FRYL: variants seen among roughly 807,000 people sequenced by gnomAD.
FRYL encodes the protein protein furry homolog-like.
Under a neutral mutation model 351.2 loss-of-function variants are expected in FRYL, and 150 were observed. The ratio of observed to expected loss-of-function variants is 0.43; its 90% CI spans 0.37 to 0.49. The LOEUF is 0.49. FRYL is among the 20% of genes least tolerant of loss of function. FRYL has a pLI of 0.00. For synonymous variants in FRYL, 1,153 were observed against 1,257.1 expected, an observed-to-expected ratio of 0.92 and a Z score of 1.75; for missense variants, 3,036 against 3,619.3, an observed-to-expected ratio of 0.84 and a Z score of 4.13.
At position 48,547,704 on chromosome 4, in the gene FRYL, CTAT is replaced by C. The variant is rs1731658268; in HGVS notation, c.4951_4953del (p.Ile1651del). 2 of 1,602,148 alleles carry C rather than the reference CTAT, an allele frequency of 1.2e-6. No homozygotes were observed. Among genetic ancestry groups the C allele is most frequent in the African/African-American group, 2.7e-5 (2 of 74,770 alleles). On this transcript the variant is annotated inframe_deletion, in exon 41 of 64. Coordinates refer to ENST00000358350, the MANE Select transcript of FRYL (RefSeq NM_015030.2). ...CGGATGTTACTATTGGGTCCCATTA[CTAT>C]TAATAAGTGCAGAAGCAGGCGTTTA...
intron 4 of FRYL, among the ~76,000 whole-genome samples, chr4:48,626,912 T>G (rs760331620): frequency 4.1e-4 from 63 of 152,130 alleles, no homozygotes; most frequent in Non-Finnish European, 6.9e-4. Context: ...GAAGCCACAT[T>G]ACCTTTACTT....
chr4:48,597,240 G>T (rs1175337140), intron 13 of FRYL, among the ~76,000 whole-genome samples: 1 of 152,244 alleles, frequency 6.6e-6, no homozygotes, highest in East Asian at 1.9e-4. Flanking sequence ...AGTTCAGCCA[G>T]GAGTTAGGGA....
At chr4:48,694,051 T>C (rs1359560966) in intron 2 of FRYL, among the ~76,000 whole-genome samples, 1 of 152,158 alleles carries the variant, frequency 6.6e-6, no homozygotes, top group Non-Finnish European at 1.5e-5. Flanking sequence ...TCACTGCATA[T>C]TTTTTACTAT....
At chr4:48,749,152 G>C (rs1489150794) in intron 1 of FRYL, among the ~76,000 whole-genome samples, 2 of 152,194 alleles carry the variant, frequency 1.3e-5, no homozygotes, top group Non-Finnish European at 2.9e-5. Flanking sequence ...GGTAAGGAGG[G>C]AACCCACTGC....
intron 23 of FRYL, among the ~76,000 whole-genome samples, chr4:48,577,370 A>C (rs1373401504): frequency 2.6e-5 from 4 of 152,240 alleles, no homozygotes; most frequent in African/African-American, 9.6e-5. Flanking sequence ...CTAGTTTTGT[A>C]ATATGTTAAG....
rs1364508844 is a variant in FRYL at position 48,757,290 on chromosome 4, A to G, written c.-384+22788T>C. ...AAGGGTATTCAATTAGGAAAAGAGGAAGTCAAATTGTCCCTGTTTGCAGAT... is the reference window on the plus strand; with the variant it reads ...AAGGGTATTCAATTAGGAAAAGAGGGAGTCAAATTGTCCCTGTTTGCAGAT... On this transcript the variant is annotated intron_variant, in intron 1 of 63. Transcript: ENST00000358350. 3.3e-5 allele frequency among the ~76,000 whole-genome samples: 5 copies of G among 152,266 alleles called. No individual in the cohort carries two copies. The South Asian group carries it at 8.3e-4, about 25-fold the overall frequency.
chr4:48,667,482 T>C (rs1326687243), intron 3 of FRYL, among the ~76,000 whole-genome samples: 3 of 148,620 alleles, frequency 2.0e-5, no homozygotes, highest in Non-Finnish European at 4.5e-5. Flanking sequence ...TTTATCATAA[T>C]CTCTTAAATT....
At chr4:48,596,487 T>A (rs557040742) in intron 13 of FRYL, among the ~76,000 whole-genome samples, 2 of 152,192 alleles carry the variant, frequency 1.3e-5, no homozygotes, top group African/African-American at 4.8e-5. Flanking sequence ...AATAGGGAGT[T>A]AAGAGCGTGG....
chr4:48,644,422 T>G (rs1320681493), intron 3 of FRYL, among the ~76,000 whole-genome samples: 1 of 147,712 alleles, frequency 6.8e-6, no homozygotes, highest in Non-Finnish European at 1.5e-5. Flanking sequence ...TATCAGAACA[T>G]AATATGATTA....
intron 48 of FRYL, 145 bp downstream of exon 48, chr4:48,535,512 G>A (rs1399744259): frequency 4.9e-6 from 2 of 409,770 alleles, no homozygotes; most frequent in Non-Finnish European, 8.5e-6. Flanking sequence ...TACCAGTGCT[G>A]CTTCTGCATA....
At chr4:48,523,778 A>G (rs142931261) in intron 53 of FRYL, among the ~76,000 whole-genome samples, 3 of 152,380 alleles carry the variant, frequency 2.0e-5, no homozygotes, top group East Asian at 1.9e-4. Flanking sequence ...CAAAGGTTTA[A>G]TACTTAGTAC....
rs1445445514 is a variant in FRYL at position 48,535,597 on chromosome 4, A to ACACG, written c.6564+59_6564+60insCGTG. 2.1e-4 allele frequency: 204 copies of ACACG among 955,528 alleles called. 4 individuals carry two copies. The South Asian group carries it at 5.5e-3, about 26-fold the overall frequency. 59.2% of individuals were successfully genotyped at this position (955,528 alleles called of 1,614,324 possible). A position where few individuals can be genotyped will look rare whatever the true frequency, so the allele number is the denominator to read the frequency against. ...TATATATATACACATACACACACAC[A>ACACG]CACACACACACACACACATATATAT... On this transcript the variant is annotated intron_variant, in intron 48 of 63. Coordinates refer to ENST00000358350, the MANE Select transcript of FRYL (RefSeq NM_015030.2).
chr4:48,519,475 C>G (rs6447642), intron 55 of FRYL, among the ~76,000 whole-genome samples: 1 of 151,526 alleles, frequency 6.6e-6, no homozygotes, highest in African/African-American at 2.4e-5. Context: ...GAATTTTCCA[C>G]ACTGAAATGT....
intron 3 of FRYL, among the ~76,000 whole-genome samples, chr4:48,680,607 A>C (rs1764459856): frequency 6.6e-6 from 1 of 152,064 alleles, no homozygotes; most frequent in Admixed American, 6.5e-5. Flanking sequence ...TAACAGACAC[A>C]ATTCAGTATC....
chr4:48,657,346 T>C (rs1424216158), intron 3 of FRYL, among the ~76,000 whole-genome samples: 1 of 134,784 alleles, frequency 7.4e-6, no homozygotes, highest in Non-Finnish European at 1.6e-5. Context: ...GATTTTTCTT[T>C]TCTTTTCTTT....
At chr4:48,753,536 C>T (rs1773464893) in intron 1 of FRYL, among the ~76,000 whole-genome samples, 1 of 151,994 alleles carries the variant, frequency 6.6e-6, no homozygotes, top group South Asian at 2.1e-4. Flanking sequence ...AGAGTTTTCT[C>T]GGTACAAGTC....
At chr4:48,679,509 A>G (rs1764288504) in intron 3 of FRYL, among the ~76,000 whole-genome samples, 1 of 152,104 alleles carries the variant, frequency 6.6e-6, no homozygotes, top group Non-Finnish European at 1.5e-5. Context: ...AAGGCAGTAG[A>G]ACAGAAAATA....
chr4:48,562,449 T>C (rs1212406184), intron 32 of FRYL, among the ~76,000 whole-genome samples: 2 of 152,214 alleles, frequency 1.3e-5, no homozygotes, highest in Non-Finnish European at 2.9e-5. Context: ...ATACTAACAA[T>C]ATATCCGTGT....
chr4:48,625,519 G>T (rs1312848145), intron 4 of FRYL, among the ~76,000 whole-genome samples: 1 of 152,132 alleles, frequency 6.6e-6, no homozygotes, highest in Non-Finnish European at 1.5e-5. Context: ...GTACAGACTT[G>T]TGTCATTATT....
Sources: allele counts gnomAD v4.1 joint callset (sites outside exome capture counted in the v4.1 genomes callset), GRCh38; gene constraint gnomAD v4.1.1; transcripts MANE v1.5; gene names NCBI Gene and HGNC (gene_info 2026-07-23, HGNC 2026-07-21).